The following LINGO1 variants were observed in gnomAD, a reference collection of about 807,000 sequenced individuals.
LINGO1 encodes leucine-rich repeat and immunoglobulin-like domain-containing nogo receptor-interacting protein 1.
In LINGO1, 11 loss-of-function variants were observed where a neutral mutation model predicts 37.3. The observed-to-expected ratio is 0.29, with a 90% CI of 0.19 to 0.49. The LOEUF is 0.49. LINGO1 is among the 20% of genes least tolerant of loss of function. The pLI is 0.99. For synonymous variants in LINGO1, 387 were observed against 403.0 expected (o/e 0.96, Z 0.48); for missense variants, 585 against 878.2 (o/e 0.67, Z 4.22).
intron 1 of LINGO1, among the ~76,000 whole-genome samples, chr15:77,623,330 C>G (rs1430886867): frequency 6.6e-6 from 1 of 152,208 alleles, no homozygotes; most frequent in Admixed American, 6.5e-5. Context: ...TGAGAGCATC[C>G]TGGGACTCCT....
chr15:77,646,388 G>GCGTCCTGCCTCCC, intron 3 of LINGO1: 1 of 427,380 alleles, frequency 2.3e-6, no homozygotes, highest in Non-Finnish European at 4.6e-6. Flanking sequence ...GTCCCCACAG[G>GCGTCCTGCCTCCC]ACACCCCTCT....
intron 1 of LINGO1, among the ~76,000 whole-genome samples, chr15:77,623,830 CTG>C (rs546359026): frequency 6.7e-5 from 10 of 149,844 alleles, no homozygotes; most frequent in Non-Finnish European, 7.4e-5. Context: ...CCCGGGGTGT[CTG>C]TGTGTGTGTG....
intron 1 of LINGO1, among the ~76,000 whole-genome samples, chr15:77,743,825 G>C (rs1253234746): frequency 7.2e-5 from 11 of 151,986 alleles, no homozygotes; most frequent in Non-Finnish European, 1.5e-5. Context: ...CTGCGGGGGT[G>C]GGGGAGTCCT....
At chr15:77,722,761 G>A (rs1226915000) in intron 2 of LINGO1, among the ~76,000 whole-genome samples, 2 of 152,232 alleles carry the variant, frequency 1.3e-5, no homozygotes, top group East Asian at 1.9e-4. Context: ...GTGCGTGGGT[G>A]TAGAGGAAAG....
upstream of LINGO1, among the ~76,000 whole-genome samples, chr15:77,636,473 G>A (rs1228732944): frequency 3.3e-5 from 5 of 152,216 alleles, no homozygotes; most frequent in African/African-American, 4.8e-5. Flanking sequence ...GGAGGTGAGT[G>A]GGGGTTGGGC....
At chr15:77,766,363 G>A (rs1211326518) in intron 1 of LINGO1, among the ~76,000 whole-genome samples, 2 of 132,120 alleles carry the variant, frequency 1.5e-5, no homozygotes, top group African/African-American at 5.7e-5. Context: ...GGGCAATGCA[G>A]ACAGAAGGAA....
chr15:77,731,597 G>A (rs916501323), intron 2 of LINGO1, among the ~76,000 whole-genome samples: 16 of 152,160 alleles, frequency 1.1e-4, no homozygotes, highest in South Asian at 4.1e-4. Context: ...TTCCATGTGT[G>A]AAGAGCCTGT....
rs200615512 is a variant in LINGO1 at position 77,794,587 on chromosome 15, TATA to T, written c.-343+1349_-343+1351del. Reference sequence around the variant, plus strand: ...ACACACACACATATATATATATATATATATTTTTTTTTTTTTTTGAGACGGAGT... The same window carrying T: ...ACACACACACATATATATATATATATTTTTTTTTTTTTTTTGAGACGGAGT... On this transcript the variant is annotated intron_variant, in intron 2 of 5. Transcript: ENST00000562933. Among the ~76,000 whole-genome samples, 166 of 25,318 alleles carry T rather than the reference TATA, an allele frequency of 6.6e-3. 5 individuals carry two copies. Among genetic ancestry groups the T allele is most frequent in the African/African-American group, 0.011 (154 of 13,554 alleles). 16.6% of individuals were successfully genotyped at this position (25,318 alleles called of 152,430 possible).
At chr15:77,778,489 C>T (rs2076683568) in intron 1 of LINGO1, among the ~76,000 whole-genome samples, 1 of 152,218 alleles carries the variant, frequency 6.6e-6, no homozygotes, top group Non-Finnish European at 1.5e-5. Context: ...CACATGACCA[C>T]AGCTGAGTGC....
intron 1 of LINGO1, among the ~76,000 whole-genome samples, chr15:77,779,314 T>C (rs576308748): frequency 6.6e-6 from 1 of 152,320 alleles, no homozygotes; most frequent in South Asian, 2.1e-4. Context: ...ACCAGTTTCG[T>C]GGAAGACAAT....
At chr15:77,779,923 C>T (rs1246368436) in intron 1 of LINGO1, among the ~76,000 whole-genome samples, 2 of 152,158 alleles carry the variant, frequency 1.3e-5, no homozygotes, top group African/African-American at 2.4e-5. Flanking sequence ...GATACTGGAA[C>T]CCAGTGGTGA....
rs140675212 is a variant in LINGO1, at chr15:77,642,831, C to T, written c.-12-26931G>A. On this transcript the variant is annotated intron_variant, in intron 3 of 3. Transcript: ENST00000559893. ...AAATTCTTATCAAATACGCTTTGAGCCTCTTCTCCCAGGGGTCCTCTCTGC... is the reference window on the plus strand; with the variant it reads ...AAATTCTTATCAAATACGCTTTGAGTCTCTTCTCCCAGGGGTCCTCTCTGC... Among the ~76,000 whole-genome samples, 220 of 152,344 alleles carry T rather than the reference C, an allele frequency of 1.4e-3. 1 individual carries two copies. The highest frequency in any genetic ancestry group is 5.0e-3 in the African/African-American group (208 of 41,572).
At chr15:77,707,437 A>C (rs920348593) in intron 2 of LINGO1, 3 of 152,272 alleles carry the variant, frequency 2.0e-5, no homozygotes, top group Non-Finnish European at 4.4e-5. Context: ...TCTGCAGATG[A>C]GAAAACAGCT....
intron 2 of LINGO1, among the ~76,000 whole-genome samples, chr15:77,687,927 G>C (rs1233452070): frequency 1.3e-5 from 2 of 152,144 alleles, no homozygotes; most frequent in African/African-American, 4.8e-5. Flanking sequence ...ACTGTCTTGG[G>C]GCTACCACCA....
intron 1 of LINGO1, among the ~76,000 whole-genome samples, chr15:77,765,262 A>G (rs28689963): frequency 0.011 from 1,694 of 152,206 alleles, 38 homozygotes; most frequent in African/African-American, 0.037. Flanking sequence ...TAAAAATACA[A>G]AAATTAGCCA....
At chr15:77,666,240 G>T (rs2075128211) in intron 3 of LINGO1, among the ~76,000 whole-genome samples, 1 of 152,246 alleles carries the variant, frequency 6.6e-6, no homozygotes, top group Admixed American at 6.5e-5. Flanking sequence ...TTGGTGGGCA[G>T]GGCTGCCTCT....
At chr15:77,808,173 CT>C (rs2076975744) in intron 1 of LINGO1, among the ~76,000 whole-genome samples, 1 of 152,120 alleles carries the variant, frequency 6.6e-6, no homozygotes, top group Non-Finnish European at 1.5e-5. Flanking sequence ...CAATTCTCCC[CT>C]GTTCAAAATC....
intron 3 of LINGO1, among the ~76,000 whole-genome samples, chr15:77,657,442 G>T (rs1405460680): frequency 6.6e-6 from 1 of 152,142 alleles, no homozygotes; most frequent in Non-Finnish European, 1.5e-5. Context: ...TTCTCTCTGG[G>T]TGTCCTGAAT....
intron 3 of LINGO1, among the ~76,000 whole-genome samples, chr15:77,650,150 C>T (rs1567489789): frequency 6.6e-6 from 1 of 152,192 alleles, no homozygotes; most frequent in Non-Finnish European, 1.5e-5. Context: ...GGCTTTGTTG[C>T]CAATTAACAG....
Sources: allele counts gnomAD v4.1 joint callset (sites outside exome capture counted in the v4.1 genomes callset), GRCh38; gene constraint gnomAD v4.1.1; transcripts MANE v1.5; gene names NCBI Gene and HGNC (gene_info 2026-07-23, HGNC 2026-07-21).